The following LNX1 variants were observed in gnomAD, a reference collection of about 807,000 sequenced individuals.
The protein encoded by LNX1 is ligand of numb-protein X 1.
LNX1 carries 54 observed loss-of-function variants against 68.4 expected under a neutral mutation model. That is an observed-to-expected ratio of 0.79 (90% CI 0.63 to 0.99). The LOEUF is 0.99. LNX1 is among the 50% of genes least tolerant of loss of function. LNX1 has a pLI of 0.00. For missense variants in LNX1, 906 were observed against 926.4 expected (o/e 0.98, Z 0.29); for synonymous variants, 336 against 350.0 (o/e 0.96, Z 0.45).
In LNX1 at chr4:53,460,448, G is replaced by GACA. The variant is rs1162705188; in HGVS notation, c.*456_*458dup. 2 of 191,542 alleles carry GACA rather than the reference G, an allele frequency of 1.0e-5. No homozygotes were observed. Among genetic ancestry groups the GACA allele is most frequent in the Non-Finnish European group, 2.2e-5 (2 of 91,994 alleles). The allele number at this position is 191,542 out of a possible 1,614,324, so 11.9% of individuals were successfully genotyped here. ...TCTTAATTAGTATCACATACTAAAA[G>GACA]ACAACTATAACTTCTGAAAAATATT... On this transcript the variant is annotated 3_prime_UTR_variant, in exon 11 of 11. Transcript: ENST00000263925.
At chr4:53,504,833 A>AG (rs1284849905) in intron 4 of LNX1, among the ~76,000 whole-genome samples, 4 of 152,240 alleles carry the variant, frequency 2.6e-5, no homozygotes, top group Non-Finnish European at 4.4e-5. Context: ...TGAAGTAGTC[A>AG]GAACACACAA....
intron 2 of LNX1, 64 bp from the exon 3 acceptor site, chr4:53,508,291 C>T (rs1434320808): frequency 2.5e-6 from 4 of 1,575,400 alleles, no homozygotes; most frequent in Non-Finnish European, 3.5e-6. Context: ...CTCAGTCAGC[C>T]CTCTTCAAAT....
chr4:53,540,042 G>A (rs1728641273), intron 2 of LNX1, among the ~76,000 whole-genome samples: 1 of 152,138 alleles, frequency 6.6e-6, no homozygotes, highest in Non-Finnish European at 1.5e-5. Flanking sequence ...CAAATCTAGT[G>A]CTATCTGAAT....
intron 2 of LNX1, among the ~76,000 whole-genome samples, chr4:53,529,618 G>C (rs566012190): frequency 5.4e-4 from 83 of 152,344 alleles, no homozygotes; most frequent in Admixed American, 5.2e-4. Context: ...CCTGGGAACA[G>C]AGCAAGCACG....
At chr4:53,511,033 G>T (rs28716804) in intron 2 of LNX1, among the ~76,000 whole-genome samples, 15,234 of 152,264 alleles carry the variant, frequency 0.1, 1,237 homozygotes, top group South Asian at 0.29. Context: ...TCCAGGAAAG[G>T]AAAACCTCAT....
chr4:53,487,534 C>T (rs1724389690), intron 6 of LNX1, among the ~76,000 whole-genome samples: 1 of 152,146 alleles, frequency 6.6e-6, no homozygotes, highest in African/African-American at 2.4e-5. Context: ...CACAATGCCC[C>T]AGGGTATTAT....
intron 2 of LNX1, among the ~76,000 whole-genome samples, chr4:53,550,262 C>T (rs977238731): frequency 3.3e-5 from 5 of 152,166 alleles, no homozygotes; most frequent in East Asian, 3.8e-4. Context: ...TGAAATGCTT[C>T]GAGAGTCATT....
chr4:53,519,660 G>GACACACTCTGAC (rs748644377), intron 2 of LNX1, among the ~76,000 whole-genome samples: 7 of 151,494 alleles, frequency 4.6e-5, no homozygotes, highest in Non-Finnish European at 7.4e-5. Context: ...CAAGGTATCT[G>GACACACTCTGAC]ACACACACAC....
intron 1 of LNX1, among the ~76,000 whole-genome samples, chr4:53,630,356 A>G (rs1560700393): frequency 1.3e-5 from 2 of 152,202 alleles, no homozygotes; most frequent in Non-Finnish European, 2.9e-5. Context: ...ATTTGTGGAC[A>G]TACTCAGAGC....
chr4:53,595,247 G>C (rs1387753140), upstream of LNX1, among the ~76,000 whole-genome samples: 2 of 152,146 alleles, frequency 1.3e-5, no homozygotes, highest in Admixed American at 6.6e-5. Flanking sequence ...TGTGTGTGGT[G>C]GGGGAGAAGA....
intron 6 of LNX1, among the ~76,000 whole-genome samples, chr4:53,487,792 C>T (rs1319910459): frequency 6.6e-6 from 1 of 152,204 alleles, no homozygotes; most frequent in Admixed American, 6.5e-5. Flanking sequence ...TTACATTAAC[C>T]TGATATTTTA....
intron 2 of LNX1, among the ~76,000 whole-genome samples, chr4:53,540,281 G>T (rs1268781003): frequency 1.3e-5 from 2 of 152,128 alleles, no homozygotes; most frequent in African/African-American, 2.4e-5. Context: ...CACTCGGGGG[G>T]CTTAGGAGAG....
chr4:53,538,945 T>C (rs1728566305), intron 2 of LNX1: 1 of 152,336 alleles, frequency 6.6e-6, no homozygotes, highest in South Asian at 2.1e-4. Context: ...TTAACAGTCA[T>C]GCACAGACAG....
rs1471549289 is a variant in LNX1, at chr4:53,460,084, C to T, written c.*823G>A. On this transcript the variant is annotated 3_prime_UTR_variant, in exon 11 of 11. Coordinates refer to ENST00000263925, the MANE Select transcript of LNX1 (RefSeq NM_001126328.3). ...TAATTAATTACCCATAGTGTAGTTT[C>T]TAGGAGGCATGTGTACACACACTCT... The T allele has an allele frequency of 5.0e-6, 1 of 199,696 alleles. No individual in the cohort carries two copies. Among genetic ancestry groups the T allele is most frequent in the Non-Finnish European group, 1.0e-5 (1 of 96,982 alleles). The allele number at this position is 199,696 out of a possible 1,614,324, so 12.4% of individuals were successfully genotyped here.
chr4:53,469,706 T>C (rs1225580896), intron 9 of LNX1, among the ~76,000 whole-genome samples: 2 of 152,246 alleles, frequency 1.3e-5, no homozygotes, highest in South Asian at 4.2e-4. Context: ...GAGAATACTA[T>C]AAACACCTCT....
rs1297076581 is a variant in LNX1, at chr4:53,652,291, C to T, written c.-338G>A. 9.2e-5 allele frequency: 14 copies of T among 152,286 alleles called. No individual in the cohort carries two copies. In the East Asian group the frequency reaches 1.4e-3, roughly 15 times the overall value. The allele number at this position is 152,286 out of a possible 1,614,324, so 9.4% of individuals were successfully genotyped here. On this transcript the variant is annotated 5_prime_UTR_variant, in exon 1 of 3. Transcript: ENST00000507168. ...TTTTCTTTCTCTTTCCAGTGTTCTT[C>T]GTCCCAGCTATGCATGAAAACTGCT...
At chr4:53,633,240 G>A (rs898254215) in intron 1 of LNX1, among the ~76,000 whole-genome samples, 5 of 152,194 alleles carry the variant, frequency 3.3e-5, no homozygotes, top group African/African-American at 9.7e-5. Flanking sequence ...GCACATAACA[G>A]GGATTCAGTA....
chr4:53,571,578 C>G (rs1197199368), intron 2 of LNX1, among the ~76,000 whole-genome samples: 1 of 152,180 alleles, frequency 6.6e-6, no homozygotes. Flanking sequence ...CTGAAGCCAA[C>G]AGGAATGCTA....
At chr4:53,495,455 T>G (rs1181345873) in intron 6 of LNX1, among the ~76,000 whole-genome samples, 3 of 152,032 alleles carry the variant, frequency 2.0e-5, no homozygotes, top group African/African-American at 7.2e-5. Flanking sequence ...GGTTCATACT[T>G]GGGTTTCCAA....
Sources: gnomAD v4.1 joint callset for allele counts (sites outside exome capture counted in the v4.1 genomes callset) on GRCh38, gnomAD v4.1.1 for gene constraint, MANE v1.5 for transcripts, NCBI Gene and HGNC (gene_info 2026-07-23, HGNC 2026-07-21) for gene names.